Variants in RAB3GAP1 observed in about 807,000 individuals in gnomAD.
The protein encoded by RAB3GAP1 is RAB3 GTPase activating protein catalytic subunit 1.
Under a neutral mutation model 130.7 loss-of-function variants are expected in RAB3GAP1, and 86 were observed. That is an observed-to-expected ratio of 0.66 (90% CI 0.55 to 0.79). RAB3GAP1 has a LOEUF of 0.79. Among genes scored for constraint, RAB3GAP1 ranks in the 30% least tolerant of loss-of-function variants. The probability of loss-of-function intolerance (pLI) is 0.00; values close to 1 mark genes in which losing one functional copy is unlikely to be tolerated. For synonymous variants in RAB3GAP1, 367 were observed against 401.7 expected (o/e 0.91, Z 1.03); for missense variants, 1,029 against 1,169.4 (o/e 0.88, Z 1.75).
Position 135,117,558 on chromosome 2 carries a change from GCTT to G in RAB3GAP1, c.648+2186_648+2188del, listed in dbSNP as rs1484152024. Among the ~76,000 whole-genome samples the G allele has an allele frequency of 7.0e-3, 135 of 19,202 alleles. 3 individuals carry two copies. Among genetic ancestry groups the G allele is most frequent in the East Asian group, 0.045 (44 of 978 alleles). The allele number at this position is 19,202 out of a possible 152,430, so 12.6% of individuals were successfully genotyped here. Reference sequence around the variant, plus strand: ...TTCTTCTTCTGCTTCTTCTTCTTCTGCTTCTTCTTCTGCTTCTTCTTCTGCTTC... The same window carrying G: ...TTCTTCTTCTGCTTCTTCTTCTTCTGCTTCTTCTGCTTCTTCTTCTGCTTC... On this transcript the variant is annotated intron_variant, in intron 7 of 23. Transcript: ENST00000264158.
At chr2:135,117,561 T>TCTG (rs1691032004) in intron 7 of RAB3GAP1, among the ~76,000 whole-genome samples, 2 of 148,030 alleles carry the variant, frequency 1.4e-5, no homozygotes, top group Admixed American at 6.7e-5. Context: ...TTCTTCTGCT[T>TCTG]CTTCTTCTGC....
At chr2:135,053,941 A>G (rs952241140) in intron 2 of RAB3GAP1, among the ~76,000 whole-genome samples, 1 of 152,228 alleles carries the variant, frequency 6.6e-6, no homozygotes, top group Admixed American at 6.5e-5. Flanking sequence ...TTGGTTAAAC[A>G]TGAGAATGGA....
chr2:135,097,955 A>G (rs1438332851), intron 5 of RAB3GAP1, among the ~76,000 whole-genome samples: 1 of 152,212 alleles, frequency 6.6e-6, no homozygotes, highest in Non-Finnish European at 1.5e-5. Flanking sequence ...GGAAACTGCA[A>G]AACATTTCTA....
At chr2:135,135,347 A>G in intron 16 of RAB3GAP1, 28 bp downstream of exon 16, 1 of 1,564,390 alleles carries the variant, frequency 6.4e-7, no homozygotes, top group Non-Finnish European at 8.8e-7. Context: ...ACATGGATAA[A>G]TGTGGTCTTG....
chr2:135,065,550 G>A (rs1462771458), intron 3 of RAB3GAP1, among the ~76,000 whole-genome samples: 2 of 152,018 alleles, frequency 1.3e-5, no homozygotes, highest in Non-Finnish European at 2.9e-5. Context: ...GAACTTATAT[G>A]TTAAAATATA....
intron 3 of RAB3GAP1, among the ~76,000 whole-genome samples, chr2:135,059,270 CA>C (rs922142141): frequency 3.9e-4 from 59 of 152,106 alleles, no homozygotes; most frequent in African/African-American, 1.4e-3. Context: ...AGATTAGAGG[CA>C]AAATAAGCTG....
In RAB3GAP1 at chr2:135,169,575, T is replaced by C; in HGVS notation, c.*794T>C. ...ACAGCATGCGTTCTCTTTTTGTGGT[T>C]GCTGGCTGGGTACTGTATTTAATGA... On this transcript the variant is annotated 3_prime_UTR_variant, in exon 24 of 24. Coordinates refer to ENST00000264158, the MANE Select transcript of RAB3GAP1 (RefSeq NM_012233.3). 4.0e-6 allele frequency: 1 copy of C among 250,044 alleles called. No individual in the cohort carries two copies. Among genetic ancestry groups the C allele is most frequent in the Non-Finnish European group, 8.1e-6 (1 of 122,730 alleles). 15.5% of individuals were successfully genotyped at this position (250,044 alleles called of 1,614,324 possible).
intron 3 of RAB3GAP1, among the ~76,000 whole-genome samples, chr2:135,083,080 G>GTT: frequency 6.9e-6 from 1 of 145,710 alleles, no homozygotes. Context: ...TTGTATTGAT[G>GTT]TTTTTTTTTT....
At chr2:135,117,546 TCTTCTTCTTCTG>T (rs1427113050) in intron 7 of RAB3GAP1, among the ~76,000 whole-genome samples, 11,318 of 102,888 alleles carry the variant, frequency 0.11, 542 homozygotes, top group Middle Eastern at 0.37. Flanking sequence ...TTCTTCTGCT[TCTTCTTCTTCTG>T]CTTCTTCTTC....
intron 7 of RAB3GAP1, among the ~76,000 whole-genome samples, chr2:135,117,845 T>TTTC (rs749348524): frequency 7.3e-5 from 11 of 150,746 alleles, no homozygotes; most frequent in Admixed American, 2.0e-4. Context: ...CTTCTTCTTC[T>TTTC]TTCTTCTTCT....
chr2:135,168,873 A>G lies in RAB3GAP1; in HGVS notation c.*92A>G. 9.1e-7 allele frequency: 1 copy of G among 1,094,448 alleles called. No individual in the cohort carries two copies. Among genetic ancestry groups the G allele is most frequent in the Middle Eastern group, 2.3e-4 (1 of 4,282 alleles). The allele number at this position is 1,094,448 out of a possible 1,614,324, so 67.8% of individuals were successfully genotyped here. On this transcript the variant is annotated 3_prime_UTR_variant, in exon 24 of 24. Transcript: ENST00000264158. ...CCAGGGAGAACCTGGGAGGTCCTGG[A>G]GAGGGCCCTGTCCAGTTGGGTGATC...
At chr2:135,129,256 T>C (rs1156682350) in intron 11 of RAB3GAP1, among the ~76,000 whole-genome samples, 1 of 151,762 alleles carries the variant, frequency 6.6e-6, no homozygotes, top group Non-Finnish European at 1.5e-5. Flanking sequence ...ATCGAGACCA[T>C]CCTGGCTAAC....
chr2:135,157,549 T>G (rs1396421349), intron 19 of RAB3GAP1, among the ~76,000 whole-genome samples: 1 of 152,110 alleles, frequency 6.6e-6, no homozygotes, highest in Non-Finnish European at 1.5e-5. Context: ...AGAAAAATCT[T>G]GAGGCCAGGC....
intron 5 of RAB3GAP1, among the ~76,000 whole-genome samples, chr2:135,108,423 C>T (rs1410738152): frequency 6.6e-6 from 1 of 151,986 alleles, no homozygotes; most frequent in African/African-American, 2.4e-5. Context: ...ATTTCACTTC[C>T]CTGATTACAT....
chr2:135,166,785 C>T (rs1692666659), intron 23 of RAB3GAP1, among the ~76,000 whole-genome samples: 1 of 152,038 alleles, frequency 6.6e-6, no homozygotes, highest in Non-Finnish European at 1.5e-5. Flanking sequence ...TTCTTGTTTT[C>T]CACTTAATAT....
chr2:135,111,755 G>A (rs1690806554), intron 5 of RAB3GAP1, among the ~76,000 whole-genome samples: 1 of 152,012 alleles, frequency 6.6e-6, no homozygotes, highest in African/African-American at 2.4e-5. Context: ...TGTGATTTCA[G>A]CAAATTGTTT....
chr2:135,052,454 A>T lies in RAB3GAP1; in HGVS notation c.43A>T (p.Thr15Ser), dbSNP rs1429686632. Residue 15 changes from threonine to serine, a missense_variant, in exon 2 of 24, where the codon ACG (threonine) becomes TCG (serine). Around this residue, in one of 3 missense-constraint regions of RAB3GAP1, gnomAD observed 510 missense variants for 532.1 expected, o/e 0.96. Transcript: ENST00000264158. ...GCCCGAATCCGAGGTATTTGAGATC[A>T]CGGACTTCACCACTGCCTCGGAATG... is the stretch of plus-strand genomic sequence containing the variant. ...SEPESEVFEI[T>S]DFTTASEWER... is the part of the protein sequence containing the mutation. The T allele has an allele frequency of 2.5e-6, 4 of 1,613,996 alleles. No homozygotes were observed. The highest frequency in any genetic ancestry group is 3.4e-6 in the Non-Finnish European group (4 of 1,180,032).
intron 9 of RAB3GAP1, among the ~76,000 whole-genome samples, chr2:135,124,817 A>G (rs1209508076): frequency 6.6e-6 from 1 of 152,194 alleles, no homozygotes; most frequent in African/African-American, 2.4e-5. Context: ...TGAAGTCAGG[A>G]TGGTGTTTAC....
intron 8 of RAB3GAP1, among the ~76,000 whole-genome samples, chr2:135,122,915 T>G (rs1432772218): frequency 6.6e-6 from 1 of 151,880 alleles, no homozygotes; most frequent in Non-Finnish European, 1.5e-5. Flanking sequence ...TTTTAGTAGA[T>G]ATGGGGTTTC....
Sources: gnomAD v4.1 joint callset for allele counts (sites outside exome capture counted in the v4.1 genomes callset) on GRCh38, gnomAD v4.1.1 for gene constraint, gnomAD v4.1.1 regional missense constraint, MANE v1.5 for transcripts, NCBI Gene and HGNC (gene_info 2026-07-23, HGNC 2026-07-21) for gene names.